TFEC: variants seen among roughly 807,000 people sequenced by gnomAD.
TFEC encodes class E basic helix-loop-helix protein 34.
Under a neutral mutation model 41.6 loss-of-function variants are expected in TFEC, and 31 were observed. The observed-to-expected ratio is 0.74, with a 90% CI of 0.56 to 1.01. The LOEUF (loss-of-function observed/expected upper bound fraction) is 1.01, where lower values mean the gene tolerates loss of function less well. Among genes scored for constraint, TFEC ranks in the 50% least tolerant of loss-of-function variants. TFEC has a pLI of 0.00. For synonymous variants in TFEC, 143 were observed against 140.6 expected, an observed-to-expected ratio of 1.02 and a Z score of -0.12; for missense variants, 402 against 404.1, an observed-to-expected ratio of 0.99 and a Z score of 0.04.
intron 3 of TFEC, among the ~76,000 whole-genome samples, chr7:116,105,242 C>T (rs1797690579): frequency 6.6e-6 from 1 of 152,156 alleles, no homozygotes; most frequent in South Asian, 2.1e-4. Context: ...TGATCCCCTA[C>T]TCTGGCACAA....
At chr7:115,960,083 G>T (rs1467392274) in intron 3 of TFEC, among the ~76,000 whole-genome samples, 2 of 151,028 alleles carry the variant, frequency 1.3e-5, no homozygotes, top group African/African-American at 2.4e-5. Context: ...GAAAAGACCT[G>T]CATTCAGATA....
At chr7:116,102,448 C>A (rs2115979424) in intron 3 of TFEC, among the ~76,000 whole-genome samples, 1 of 152,112 alleles carries the variant, frequency 6.6e-6, no homozygotes, top group East Asian at 1.9e-4. Flanking sequence ...CGAGATTGGA[C>A]CCAAGGACAC....
At chr7:116,121,777 T>A (rs1798112476) in intron 1 of TFEC, among the ~76,000 whole-genome samples, 1 of 151,950 alleles carries the variant, frequency 6.6e-6, no homozygotes, top group Admixed American at 6.6e-5. Flanking sequence ...AAGAAATGAG[T>A]CTGGGATTTG....
At chr7:116,083,471 G>A (rs534134965) in intron 3 of TFEC, among the ~76,000 whole-genome samples, 72 of 151,796 alleles carry the variant, frequency 4.7e-4, no homozygotes, top group Non-Finnish European at 8.8e-4. Context: ...CTCCTATTGT[G>A]ATCATCAAGT....
At chr7:115,954,706 T>A in intron 4 of TFEC, 64 bp from the exon 5 acceptor site, 1 of 1,269,376 alleles carries the variant, frequency 7.9e-7, no homozygotes, top group Non-Finnish European at 1.1e-6. Context: ...CCAGGCAACA[T>A]AATTCAGAAC....
intron 3 of TFEC, among the ~76,000 whole-genome samples, chr7:116,088,248 T>C (rs1384416429): frequency 6.6e-6 from 1 of 152,134 alleles, no homozygotes. Context: ...TCCTCGTTAC[T>C]ATAGAACTCT....
intron 1 of TFEC, among the ~76,000 whole-genome samples, chr7:116,004,723 C>T (rs1794722902): frequency 6.6e-6 from 1 of 151,318 alleles, no homozygotes; most frequent in Admixed American, 6.6e-5. Flanking sequence ...TAGAATCACA[C>T]AAATTCATGC....
intron 3 of TFEC, among the ~76,000 whole-genome samples, chr7:116,063,891 G>A (rs1174001764): frequency 2.6e-5 from 4 of 152,074 alleles, no homozygotes; most frequent in South Asian, 2.1e-4. Flanking sequence ...TTTGTATAAC[G>A]CTACAATGAA....
chr7:116,014,788 A>G (rs1795129330), intron 1 of TFEC, among the ~76,000 whole-genome samples: 1 of 152,140 alleles, frequency 6.6e-6, no homozygotes, highest in African/African-American at 2.4e-5. Context: ...TAAGATGGTG[A>G]CAGGAGGACC....
At chr7:116,106,269 A>C (rs1262949166) in intron 3 of TFEC, among the ~76,000 whole-genome samples, 1 of 152,232 alleles carries the variant, frequency 6.6e-6, no homozygotes, top group African/African-American at 2.4e-5. Flanking sequence ...CACAGCATTT[A>C]AAAGACACTT....
intron 3 of TFEC, among the ~76,000 whole-genome samples, chr7:116,066,330 T>C (rs554397209): frequency 1.3e-5 from 2 of 152,296 alleles, no homozygotes; most frequent in Admixed American, 6.6e-5. Flanking sequence ...GAAATTAATA[T>C]AACTTACGTC....
intron 3 of TFEC, among the ~76,000 whole-genome samples, chr7:115,966,156 G>A (rs1233133561): frequency 1.3e-5 from 2 of 151,554 alleles, no homozygotes; most frequent in Admixed American, 1.3e-4. Flanking sequence ...AAATTCTTGC[G>A]TTTAGTTTTC....
rs1793766182 is a variant in TFEC at position 115,984,460 on chromosome 7, T to C, written c.-19A>G. ...GGGTCATGAAAGAGTTTACTTTCTG[T>C]CTCTGGGCTTTCTGTAGCTGAGGCC... On this transcript the variant is annotated 5_prime_UTR_variant, in exon 2 of 8. Coordinates refer to ENST00000265440, the MANE Select transcript of TFEC (RefSeq NM_012252.4). The C allele has an allele frequency of 5.6e-6, 9 of 1,614,096 alleles. No homozygotes were observed. Among genetic ancestry groups the C allele is most frequent in the Non-Finnish European group, 7.6e-6 (9 of 1,179,966 alleles).
intron 2 of TFEC, chr7:116,110,988 C>A: frequency 1.2e-6 from 1 of 850,194 alleles, no homozygotes; most frequent in African/African-American, 1.8e-5. Context: ...TATTTTATCA[C>A]CTGAGACTAC....
rs139435145 is a variant in TFEC, at chr7:115,985,118, T to A, written c.-72-605A>T. Among the ~76,000 whole-genome samples the A allele has an allele frequency of 5.9e-3, 893 of 152,232 alleles. 5 individuals are homozygous for A. The highest frequency in any genetic ancestry group is 0.011 in the Non-Finnish European group (726 of 67,996). The stretch of plus-strand genomic sequence containing the variant: ...AATCTTATTTTTAAACCCTTTCATA[T>A]TTTCACCTTATAAAAATGAGAAAGT... On this transcript the variant is annotated intron_variant, in intron 1 of 7. Transcript: ENST00000265440.
intron 1 of TFEC, among the ~76,000 whole-genome samples, chr7:116,156,289 T>A (rs997983914): frequency 6.6e-6 from 1 of 152,220 alleles, no homozygotes; most frequent in Admixed American, 6.5e-5. Flanking sequence ...GCATGGAGTG[T>A]AAACAAATTT....
chr7:116,100,061 A>T lies in TFEC; in HGVS notation c.198+10647T>A, dbSNP rs561356508. On this transcript the variant is annotated intron_variant, in intron 3 of 8. Coordinates refer to the TFEC transcript ENST00000484212. Reference sequence around the variant, plus strand: ...ACCTAATTTGTATATTGTATTTTTAATTTACCAATACTGACTATAGCTCCA... The same window carrying T: ...ACCTAATTTGTATATTGTATTTTTATTTTACCAATACTGACTATAGCTCCA... 6.6e-5 allele frequency among the ~76,000 whole-genome samples: 10 copies of T among 152,298 alleles called. No homozygotes were observed. In the East Asian group the frequency reaches 1.9e-3, roughly 29 times the overall value.
At chr7:115,941,667 A>G in intron 7 of TFEC, 1 of 541,742 alleles carries the variant, frequency 1.8e-6, no homozygotes, top group South Asian at 2.9e-5. Flanking sequence ...ATATGTGTAT[A>G]TACATATATA....
intron 3 of TFEC, among the ~76,000 whole-genome samples, chr7:116,088,033 C>T (rs1797239784): frequency 6.6e-6 from 1 of 152,110 alleles, no homozygotes; most frequent in Non-Finnish European, 1.5e-5. Flanking sequence ...ATACAGCATA[C>T]TCCTTCAACA....
Sources: allele counts gnomAD v4.1 joint callset (sites outside exome capture counted in the v4.1 genomes callset), GRCh38; gene constraint gnomAD v4.1.1; transcripts MANE v1.5; gene names NCBI Gene and HGNC (gene_info 2026-07-23, HGNC 2026-07-21).